The following B3GALT1 variants were observed in gnomAD, a reference collection of about 807,000 sequenced individuals.
B3GALT1 encodes the protein beta-1,3-galactosyltransferase 1, also known as UDP-Gal:betaGlcNAc beta 1,3-galactosyltransferase, polypeptide 1.
B3GALT1 carries 10 observed loss-of-function variants against 23.2 expected under a neutral mutation model. The observed-to-expected ratio is 0.43, with a 90% CI of 0.27 to 0.73. The LOEUF (loss-of-function observed/expected upper bound fraction) is 0.73, where lower values mean the gene tolerates loss of function less well. Among genes scored for constraint, B3GALT1 ranks in the 30% least tolerant of loss-of-function variants. The pLI is 0.21. For synonymous variants in B3GALT1, 156 were observed against 141.5 expected (o/e 1.10, Z -0.73); for missense variants, 299 against 405.4 (o/e 0.74, Z 2.25).
intron 1 of B3GALT1, among the ~76,000 whole-genome samples, chr2:167,463,427 A>G (rs1699296726): frequency 6.6e-6 from 1 of 152,108 alleles, no homozygotes; most frequent in South Asian, 2.1e-4. Flanking sequence ...ACTAAATACT[A>G]AGCACTATTC....
chr2:167,439,340 T>C (rs185793897), intron 1 of B3GALT1, among the ~76,000 whole-genome samples: 13 of 152,306 alleles, frequency 8.5e-5, no homozygotes, highest in Admixed American at 8.5e-4. Context: ...ATTTTTCACA[T>C]CAATATTGTC....
chr2:167,341,997 C>T (rs542508959), intron 1 of B3GALT1, among the ~76,000 whole-genome samples: 126 of 152,202 alleles, frequency 8.3e-4, no homozygotes, highest in African/African-American at 3.0e-3. Flanking sequence ...TCCCTCTTAG[C>T]CCAGTTTATT....
intron 4 of B3GALT1, among the ~76,000 whole-genome samples, chr2:167,822,406 A>G (rs1200030015): frequency 6.6e-6 from 1 of 152,198 alleles, no homozygotes; most frequent in Non-Finnish European, 1.5e-5. Context: ...TCTTGAAAGT[A>G]GAAGTTTCCA....
At chr2:167,441,819 G>T (rs1698897745) in intron 1 of B3GALT1, among the ~76,000 whole-genome samples, 1 of 151,506 alleles carries the variant, frequency 6.6e-6, no homozygotes, top group East Asian at 1.9e-4. Flanking sequence ...TTTGGGTCCA[G>T]AAGTTCAAGC....
chr2:167,605,439 C>T (rs1684946471), intron 2 of B3GALT1, among the ~76,000 whole-genome samples: 1 of 151,644 alleles, frequency 6.6e-6, no homozygotes, highest in African/African-American at 2.4e-5. Context: ...GGCTGACCCA[C>T]GTGGTTGGTG....
chr2:167,731,860 C>A (rs971465255), intron 3 of B3GALT1, among the ~76,000 whole-genome samples: 5 of 152,122 alleles, frequency 3.3e-5, no homozygotes, highest in Admixed American at 6.5e-5. Context: ...GATTTGTTTC[C>A]AGACCCCTCT....
intron 3 of B3GALT1, among the ~76,000 whole-genome samples, chr2:167,697,991 T>A (rs1252963861): frequency 1.3e-5 from 2 of 152,230 alleles, no homozygotes; most frequent in Non-Finnish European, 2.9e-5. Flanking sequence ...ATTTAAATTA[T>A]GTAGCATTGG....
chr2:167,743,136 A>G (rs1002216479), intron 3 of B3GALT1, among the ~76,000 whole-genome samples: 4 of 152,124 alleles, frequency 2.6e-5, no homozygotes, highest in East Asian at 1.9e-4. Context: ...TAACATGCCA[A>G]TGTGAATATA....
At chr2:167,723,982 T>C (rs1687270989) in intron 3 of B3GALT1, among the ~76,000 whole-genome samples, 1 of 152,188 alleles carries the variant, frequency 6.6e-6, no homozygotes, top group African/African-American at 2.4e-5. Context: ...TCTAGTGAAA[T>C]ATTGAGTGAC....
chr2:167,629,088 A>T (rs766556336), intron 2 of B3GALT1, among the ~76,000 whole-genome samples: 22 of 151,668 alleles, frequency 1.5e-4, no homozygotes, highest in Admixed American at 9.2e-4. Context: ...CCAACAGAGG[A>T]CGGATTGGAG....
intron 3 of B3GALT1, among the ~76,000 whole-genome samples, chr2:167,748,055 A>AT (rs1171120190): frequency 6.6e-6 from 1 of 152,318 alleles, no homozygotes; most frequent in East Asian, 1.9e-4. Flanking sequence ...AATACAAAGA[A>AT]TAAGAAATAC....
At chr2:167,364,351 A>AT (rs1202544949) in intron 1 of B3GALT1, among the ~76,000 whole-genome samples, 3 of 146,174 alleles carry the variant, frequency 2.1e-5, no homozygotes, top group Non-Finnish European at 3.0e-5. Flanking sequence ...TTTTTTTTTC[A>AT]TTTTTTTATT....
chr2:167,446,559 G>A (rs992286294), intron 1 of B3GALT1, among the ~76,000 whole-genome samples: 21 of 152,146 alleles, frequency 1.4e-4, no homozygotes, highest in East Asian at 5.8e-4. Flanking sequence ...GGCTTTGTTC[G>A]TTTCTTTTTA....
At chr2:167,630,244 T>A (rs1048352423) in intron 2 of B3GALT1, among the ~76,000 whole-genome samples, 2 of 151,512 alleles carry the variant, frequency 1.3e-5, no homozygotes, top group Admixed American at 1.3e-4. Context: ...GATGAGGGAG[T>A]AGAGGAACAA....
intron 4 of B3GALT1, among the ~76,000 whole-genome samples, chr2:167,825,581 C>T (rs1019187068): frequency 6.6e-6 from 1 of 151,632 alleles, no homozygotes; most frequent in Non-Finnish European, 1.5e-5. Flanking sequence ...ACTCAGAGTA[C>T]ACCATAAATA....
chr2:167,868,944 G>C lies in B3GALT1; in HGVS notation c.-96G>C. 7.1e-7 allele frequency: 1 copy of C among 1,415,930 alleles called. No homozygotes were observed. The highest frequency in any genetic ancestry group is 9.5e-7 in the Non-Finnish European group (1 of 1,048,728). 87.7% of individuals were successfully genotyped at this position (1,415,930 alleles called of 1,614,324 possible). On this transcript the variant is annotated 5_prime_UTR_variant, in exon 5 of 5. Transcript: ENST00000392690. ...CTCACGCTTCTCTATCAAACTTGAA[G>C]ATTTATTAGTAATATGCTGCCTTTG... is the stretch of plus-strand genomic sequence containing the variant.
intron 1 of B3GALT1, among the ~76,000 whole-genome samples, chr2:167,357,903 G>C (rs1011850716): frequency 6.6e-6 from 1 of 152,106 alleles, no homozygotes; most frequent in African/African-American, 2.4e-5. Context: ...TTTAGCATTT[G>C]CAGAAATCAT....
At chr2:167,826,202 C>T (rs899873800) in intron 4 of B3GALT1, among the ~76,000 whole-genome samples, 1 of 152,174 alleles carries the variant, frequency 6.6e-6, no homozygotes, top group Non-Finnish European at 1.5e-5. Context: ...GGTCAGGTCA[C>T]TTGACTCCCG....
At chr2:167,378,891 A>AT (rs1168628664) in intron 1 of B3GALT1, among the ~76,000 whole-genome samples, 2 of 152,036 alleles carry the variant, frequency 1.3e-5, no homozygotes, top group Admixed American at 1.3e-4. Flanking sequence ...CTACATTCAG[A>AT]TTTTTCAAGG....
Sources: gnomAD v4.1 joint callset for allele counts (sites outside exome capture counted in the v4.1 genomes callset) on GRCh38, gnomAD v4.1.1 for gene constraint, MANE v1.5 for transcripts, NCBI Gene and HGNC (gene_info 2026-07-23, HGNC 2026-07-21) for gene names.